The following GTF3C2 variants were observed in gnomAD, a reference collection of about 807,000 sequenced individuals.
The protein encoded by GTF3C2 is general transcription factor 3C polypeptide 2.
GTF3C2 carries 17 observed loss-of-function variants against 117.4 expected under a neutral mutation model. That is an observed-to-expected ratio of 0.14 (90% CI 0.10 to 0.22). GTF3C2 has a LOEUF of 0.22. Among genes scored for constraint, GTF3C2 ranks in the 10% least tolerant of loss-of-function variants. The pLI is 1.00. For missense variants in GTF3C2, 888 were observed against 1,143.6 expected (o/e 0.78, Z 3.22); for synonymous variants, 437 against 427.0 (o/e 1.02, Z -0.29).
At position 27,326,901 on chromosome 2, in the gene GTF3C2, G is replaced by A. The variant is rs1558610340; in HGVS notation, c.2518-8C>T. The A allele has an allele frequency of 2.5e-6, 4 of 1,582,106 alleles. No homozygotes were observed. In the Admixed American group the frequency reaches 5.0e-5, roughly 20 times the overall value. On this transcript the variant is annotated splice_polypyrimidine_tract_variant and splice_region_variant and intron_variant, in intron 18 of 18. Coordinates refer to ENST00000264720, the Ensembl canonical transcript of GTF3C2. ...GTTTGGGCTGAAACGTACCTGTGAAGAGAACAGAAAACAAGAGAGAGATGC... is the reference window on the plus strand; with the variant it reads ...GTTTGGGCTGAAACGTACCTGTGAAAAGAACAGAAAACAAGAGAGAGATGC...
chr2:27,347,250 TA>T (rs1334578013), intron 1 of GTF3C2, among the ~76,000 whole-genome samples: 1 of 152,168 alleles, frequency 6.6e-6, no homozygotes, highest in African/African-American at 2.4e-5. Flanking sequence ...GATCTATATA[TA>T]CGCCTTAAGA....
intron 17 of GTF3C2, 133 bp downstream of exon 17, chr2:27,327,904 G>A: frequency 1.5e-6 from 1 of 652,956 alleles, no homozygotes; most frequent in East Asian, 3.0e-5. Flanking sequence ...GGGATTACAG[G>A]CATGAGCCAC....
chr2:27,335,430 G>C, intron 10 of GTF3C2, 168 bp downstream of exon 10: 2 of 714,510 alleles, frequency 2.8e-6, no homozygotes, highest in Non-Finnish European at 5.2e-6. Flanking sequence ...CTGCAAAAGA[G>C]AGAGGGCTCA....
At chr2:27,326,815 C>T in exon 19 of GTF3C2, 1 of 1,613,916 alleles carries the variant, frequency 6.2e-7, no homozygotes, top group Non-Finnish European at 8.5e-7. Flanking sequence ...AGTCCACGGA[C>T]AAAATGGATT....
chr2:27,326,864 A>G (rs1470086244), exon 19 of GTF3C2: 1 of 1,613,622 alleles, frequency 6.2e-7, no homozygotes, highest in Non-Finnish European at 8.5e-7. Flanking sequence ...CCAGCCATCC[A>G]TAGGAGTCCA....
chr2:27,356,668 G>C (rs1245194298), intron 1 of GTF3C2, 71 bp downstream of exon 1: 1 of 154,144 alleles, frequency 6.5e-6, no homozygotes, highest in Non-Finnish European at 1.4e-5. Context: ...CAATATCTTA[G>C]TGCTATGGCA....
intron 17 of GTF3C2, 69 bp downstream of exon 17, chr2:27,327,968 C>T (rs975730552): frequency 2.3e-6 from 3 of 1,302,512 alleles, no homozygotes; most frequent in South Asian, 1.3e-5. Context: ...CTCAGGCTTG[C>T]GTACTATACA....
chr2:27,328,125 G>A lies in GTF3C2; in HGVS notation c.2321C>T (p.Ala774Val), dbSNP rs773513853. 2.5e-6 allele frequency: 4 copies of A among 1,608,630 alleles called. No individual in the cohort carries two copies. In the Admixed American group the frequency reaches 6.8e-5, roughly 27 times the overall value. Residue 774 changes from alanine (A) to valine (V), a missense_variant, in exon 17 of 19, where the codon GCT becomes GTT. Coordinates refer to ENST00000264720, the Ensembl canonical transcript of GTF3C2. ...AGGAGGGTTGGGGACCCCAGATGAAGCAGAAGAATGGTCTGGACCTTCAGG... is the reference window on the plus strand; with the variant it reads ...AGGAGGGTTGGGGACCCCAGATGAAACAGAAGAATGGTCTGGACCTTCAGG...
At chr2:27,349,761 C>A (rs1308853772) in intron 1 of GTF3C2, among the ~76,000 whole-genome samples, 1 of 152,052 alleles carries the variant, frequency 6.6e-6, no homozygotes, top group Non-Finnish European at 1.5e-5. Flanking sequence ...GCCTCAGCCT[C>A]CCGAGTAGCT....
chr2:27,335,865 C>G, intron 9 of GTF3C2, 52 bp downstream of exon 9: 1 of 1,302,254 alleles, frequency 7.7e-7, no homozygotes, highest in South Asian at 1.2e-5. Context: ...CCCAGGGCCT[C>G]TTTGTCCTGG....
exon 7 of GTF3C2, chr2:27,337,294 A>G (rs1490401016): frequency 6.2e-7 from 1 of 1,613,790 alleles, no homozygotes; most frequent in Admixed American, 1.7e-5. Context: ...CACGTTGTAC[A>G]GAAAACAATG....
chr2:27,337,863 T>A, intron 5 of GTF3C2, 63 bp downstream of exon 5: 1 of 945,138 alleles, frequency 1.1e-6, no homozygotes, highest in Non-Finnish European at 1.8e-6. Context: ...CCCACTTCAA[T>A]ACCGCCCTTG....
At chr2:27,326,292 C>A in exon 19 of GTF3C2, 1 of 469,518 alleles carries the variant, frequency 2.1e-6, no homozygotes, top group Non-Finnish European at 4.3e-6. Context: ...TGCAGATACC[C>A]TTTTCAGTTC....
chr2:27,345,314 C>A (rs2148318548), intron 1 of GTF3C2, among the ~76,000 whole-genome samples: 1 of 152,090 alleles, frequency 6.6e-6, no homozygotes, highest in South Asian at 2.1e-4. Context: ...ATGAGTTGGC[C>A]AGGCACGGTG....
chr2:27,326,719 G>T (rs1178292839), exon 19 of GTF3C2: 1 of 1,614,008 alleles, frequency 6.2e-7, no homozygotes, highest in African/African-American at 1.3e-5. Context: ...GAGAAGCCAG[G>T]CCGTCTAGTG....
At chr2:27,347,759 G>A (rs977520104) in intron 1 of GTF3C2, among the ~76,000 whole-genome samples, 1 of 152,188 alleles carries the variant, frequency 6.6e-6, no homozygotes, top group African/African-American at 2.4e-5. Context: ...ATTTGTAACA[G>A]TATTAAGAGG....
At chr2:27,343,273 T>C (rs774850165) in intron 2 of GTF3C2, 35 bp downstream of exon 2, 3 of 1,599,574 alleles carry the variant, frequency 1.9e-6, no homozygotes, top group Non-Finnish European at 2.6e-6. Flanking sequence ...AAGCTTGGCA[T>C]GGGGAATAAA....
intron 1 of GTF3C2, among the ~76,000 whole-genome samples, chr2:27,350,979 A>C (rs898305439): frequency 1.3e-5 from 2 of 150,444 alleles, no homozygotes; most frequent in Non-Finnish European, 3.0e-5. Context: ...AGCTGAGTGT[A>C]GTGGCATGCA....
chr2:27,329,595 G>T lies in GTF3C2; in HGVS notation c.1733-72C>A. 7 of 1,473,960 alleles carry T rather than the reference G, an allele frequency of 4.7e-6. No homozygotes were observed. The highest frequency in any genetic ancestry group is 2.3e-5 in the East Asian group (1 of 44,280). The allele number at this position is 1,473,960 out of a possible 1,614,324, so 91.3% of individuals were successfully genotyped here. A position where few individuals can be genotyped will look rare whatever the true frequency, so the allele number is the denominator to read the frequency against. ...TCCTTGCTCTAATTTCTTTCTCTGGGCTCCTAGGACCTTTGTCTTCTACCC... is the reference window on the plus strand; with the variant it reads ...TCCTTGCTCTAATTTCTTTCTCTGGTCTCCTAGGACCTTTGTCTTCTACCC... On this transcript the variant is annotated intron_variant, in intron 12 of 18. Transcript: ENST00000264720. This position sits in a 1 kb window ranked among gnomAD's most constrained non-coding sequence, Gnocchi z 4.5.
Sources: gnomAD v4.1 joint callset for allele counts (sites outside exome capture counted in the v4.1 genomes callset) on GRCh38, gnomAD v4.1.1 for gene constraint, Gnocchi (gnomAD v3.1) non-coding constraint, MANE v1.5 for transcripts, NCBI Gene and HGNC (gene_info 2026-07-23, HGNC 2026-07-21) for gene names.